The following KRT34 variants were observed in gnomAD, a reference collection of about 807,000 sequenced individuals.
KRT34 encodes keratin, type I cuticular Ha4.
In KRT34, 31 loss-of-function variants were observed where a neutral mutation model predicts 41.7. The ratio of observed to expected loss-of-function variants is 0.74; its 90% confidence interval spans 0.56 to 1.00. KRT34 has a LOEUF of 1.00. KRT34 is among the 50% of genes least tolerant of loss of function. The pLI is 0.00. For synonymous variants in KRT34, 224 were observed against 212.9 expected (o/e 1.05, Z -0.45); for missense variants, 523 against 500.3 (o/e 1.05, Z -0.43).
chr17:41,380,567 C>CCT (rs1420427677), intron 3 of KRT34, among the ~76,000 whole-genome samples: 2 of 149,930 alleles, frequency 1.3e-5, no homozygotes, highest in Non-Finnish European at 3.0e-5. Context: ...GTACTGGAAT[C>CCT]CTCCTCTTTG....
Position 41,379,003 on chromosome 17 carries a change from C to T in KRT34, c.1050G>A (p.Glu350=), listed in dbSNP as rs780484325. ...GGCTCCGGTACGTGTTGATCTCACA[C>T]TCCAGCCGGGCACGCACGTCCAGCA... is the stretch of plus-strand genomic sequence containing the variant. The part of the protein sequence containing the change: ...QVLLDVRARL[E]CEINTYRSLL... Residue 350 remains glutamate (E), a synonymous_variant, in exon 6 of 7, where the codon GAG becomes GAA. Transcript: ENST00000394001. 4.3e-5 allele frequency: 69 copies of T among 1,613,454 alleles called. 1 individual carries two copies. Among genetic ancestry groups the T allele is most frequent in the South Asian group, 1.1e-5 (1 of 91,046 alleles).
Position 41,379,387 on chromosome 17 carries a change from G to A in KRT34, c.842C>T (p.Ala281Val), listed in dbSNP as rs1230313087. The part of the protein sequence containing the change: ...EIIELRRTVN[A>V]LEIELQAQHN... ...CTGGGCCTGCAGCTCGATCTCCAGG[G>A]CGTTGACTGTGCGTCTCAGCTCGAT... Residue 281 changes from alanine to valine, a missense_variant, in exon 5 of 7, where the codon GCC (alanine) becomes GTC (valine). By Grantham distance (64) the Ala-to-Val change is moderately conservative (BLOSUM62 0). Coordinates refer to ENST00000394001, the MANE Select transcript of KRT34 (RefSeq NM_001386014.1). The A allele has an allele frequency of 1.2e-6, 2 of 1,613,452 alleles. No homozygotes were observed. The highest frequency in any genetic ancestry group is 8.5e-7 in the Non-Finnish European group (1 of 1,180,030).
Position 41,378,054 on chromosome 17 carries a change from GC to G in KRT34, c.*4del, listed in dbSNP as rs2017876796. On this transcript the variant is annotated 3_prime_UTR_variant, in exon 7 of 7. Coordinates refer to ENST00000394001, the MANE Select transcript of KRT34 (RefSeq NM_001386014.1). Reference sequence around the variant, plus strand: ...GTAGATGTCTTCAAAGAGGATACAAGCTTTTCAATTACAGCAACCCTTTTGA... The same window carrying G: ...GTAGATGTCTTCAAAGAGGATACAAGTTTTCAATTACAGCAACCCTTTTGA... The G allele has an allele frequency of 6.2e-7, 1 of 1,607,098 alleles. No homozygotes were observed.
At position 41,379,504 on chromosome 17, in the gene KRT34, T is replaced by C; in HGVS notation, c.751-26A>G. 7 of 1,614,196 alleles carry C rather than the reference T, an allele frequency of 4.3e-6. No homozygotes were observed. The South Asian group carries it at 7.7e-5, about 18-fold the overall frequency. On this transcript the variant is annotated intron_variant, in intron 4 of 6. Transcript: ENST00000394001. Reference sequence around the variant, plus strand: ...CTGAAACACCCAAGTGGGGAAAGGATCAGACCCTGTCTCCAGGGCCCTGGG... The same window carrying C: ...CTGAAACACCCAAGTGGGGAAAGGACCAGACCCTGTCTCCAGGGCCCTGGG...
chr17:41,382,170 C>T lies in KRT34; in HGVS notation c.77G>A (p.Cys26Tyr). The T allele has an allele frequency of 6.2e-7, 1 of 1,612,354 alleles. No homozygotes were observed. Residue 26 changes from cysteine to tyrosine, a missense_variant, in exon 1 of 7, where the codon TGC becomes TAC. Coordinates refer to ENST00000394001, the MANE Select transcript of KRT34 (RefSeq NM_001386014.1). ...GGCCCCAGGCAGGGTGTAGCCGTGGCAGCTGGGGGGCACGCAGGGCCGGGA... is the reference window on the plus strand; with the variant it reads ...GGCCCCAGGCAGGGTGTAGCCGTGGTAGCTGGGGGGCACGCAGGGCCGGGA... ...CSSRPCVPPS[C>Y]HGYTLPGACN...
upstream of KRT34, among the ~76,000 whole-genome samples, chr17:41,383,317 G>A (rs1036446865): frequency 1.1e-4 from 16 of 152,148 alleles, no homozygotes; most frequent in Non-Finnish European, 1.0e-4. Flanking sequence ...GCGTCCGGCA[G>A]TAAATAAAGT....
chr17:41,381,399 G>A (rs2017982182), intron 2 of KRT34, among the ~76,000 whole-genome samples, 187 bp from the exon 3 acceptor site: 1 of 152,098 alleles, frequency 6.6e-6, no homozygotes, highest in Admixed American at 6.5e-5. Flanking sequence ...AACACCACGA[G>A]GAGCCCACAG....
upstream of KRT34, among the ~76,000 whole-genome samples, chr17:41,382,825 T>C (rs1488276882): frequency 5.3e-5 from 8 of 152,158 alleles, no homozygotes; most frequent in Non-Finnish European, 1.0e-4. Context: ...TTACTATTCG[T>C]TGGGGTTTAG....
intron 6 of KRT34, 100 bp from the exon 7 acceptor site, chr17:41,378,246 A>C: frequency 3.8e-6 from 3 of 791,002 alleles, no homozygotes; most frequent in Non-Finnish European, 6.6e-6. Flanking sequence ...CAGTGGCTGG[A>C]GTTAGTTGGA....
Position 41,382,289 on chromosome 17 carries a change from G to C in KRT34, c.-43C>G. 6.2e-7 allele frequency: 1 copy of C among 1,613,292 alleles called. No individual in the cohort carries two copies. Among genetic ancestry groups the C allele is most frequent in the Non-Finnish European group, 8.5e-7 (1 of 1,180,042 alleles). ...TGGAAAAGCAGGTAAGCTGCTGGAG[G>C]TGGATGTGGGCAGGTTTGAGTCTCT... On this transcript the variant is annotated 5_prime_UTR_variant, in exon 1 of 7. Coordinates refer to ENST00000394001, the MANE Select transcript of KRT34 (RefSeq NM_001386014.1).
chr17:41,382,417 CT>C, upstream of KRT34: 1 of 1,492,290 alleles, frequency 6.7e-7, no homozygotes, highest in Non-Finnish European at 9.2e-7. Flanking sequence ...CCAAAATATG[CT>C]AGTTAGATGC....
intron 3 of KRT34, 42 bp from the exon 4 acceptor site, chr17:41,379,773 C>T (rs1486202745): frequency 1.1e-5 from 17 of 1,549,078 alleles, no homozygotes; most frequent in East Asian, 2.2e-5. Flanking sequence ...GGCAATGGAT[C>T]TGCCATTTTC....
Position 41,381,919 on chromosome 17 carries a change from T to A in KRT34, c.328A>T (p.Ile110Phe). The A allele has an allele frequency of 1.2e-6, 2 of 1,614,214 alleles. No homozygotes were observed. Among genetic ancestry groups the A allele is most frequent in the Non-Finnish European group, 1.7e-6 (2 of 1,180,010 alleles). Residue 110 changes from isoleucine (I) to phenylalanine (F), a missense_variant, in exon 1 of 7, where the codon ATT becomes TTT. Ile to Phe is a conservative substitution (Grantham distance 21). Coordinates refer to ENST00000394001, the MANE Select transcript of KRT34 (RefSeq NM_001386014.1). ...CTCACCTTCTGCTGGAGCTCCTCAA[T>A]GGTCTTGAAGTAGGACTGGTAGCTG... Reference protein sequence around the residue: ...CPSYQSYFKTIEELQQKILCA... With the variant: ...CPSYQSYFKTFEELQQKILCA...
At chr17:41,378,832 C>A in intron 6 of KRT34, 124 bp downstream of exon 6, 1 of 1,355,686 alleles carries the variant, frequency 7.4e-7, no homozygotes, top group Non-Finnish European at 1.0e-6. Context: ...TATCACAGAT[C>A]ACTGGACACA....
chr17:41,382,355 G>A, upstream of KRT34: 1 of 1,611,902 alleles, frequency 6.2e-7, no homozygotes, highest in Non-Finnish European at 8.5e-7. Flanking sequence ...TTGTGGGTGG[G>A]GGCTTGGCAT....
intron 2 of KRT34, 112 bp downstream of exon 2, chr17:41,381,601 A>T (rs1007314872): frequency 5.2e-5 from 49 of 943,252 alleles, no homozygotes; most frequent in Non-Finnish European, 7.9e-5. Context: ...CTAATTTTAC[A>T]TAACCAGCCC....
chr17:41,380,463 T>C (rs2017956779), intron 3 of KRT34, among the ~76,000 whole-genome samples: 1 of 152,180 alleles, frequency 6.6e-6, no homozygotes, highest in Non-Finnish European at 1.5e-5. Flanking sequence ...TTTCATCCCT[T>C]GGAGGTACTG....
chr17:41,381,062 A>G lies in KRT34; in HGVS notation c.582T>C (p.His194=). Residue 194 remains histidine (H), a synonymous_variant, in exon 3 of 7, where the codon CAT becomes CAC. Coordinates refer to ENST00000394001, the MANE Select transcript of KRT34 (RefSeq NM_001386014.1). Reference sequence around the variant, plus strand: ...TTGTGAATTTGTTTCATACCTCCTCATGGTTCTTCTTCAAGCAGATCAGCT... The same window carrying G: ...TTGTGAATTTGTTTCATACCTCCTCGTGGTTCTTCTTCAAGCAGATCAGCT... ...REELICLKKN[H]EEEVNTLRSQ... 1.2e-6 allele frequency: 2 copies of G among 1,613,874 alleles called. No homozygotes were observed. The highest frequency in any genetic ancestry group is 1.7e-5 in the Admixed American group (1 of 60,006).
At chr17:41,381,356 A>G (rs1486139457) in intron 2 of KRT34, 144 bp from the exon 3 acceptor site, 5 of 879,084 alleles carry the variant, frequency 5.7e-6, no homozygotes, top group Admixed American at 5.7e-5. Flanking sequence ...CAAGCTGTCC[A>G]TGGATAGGCT....
Sources: gnomAD v4.1 joint callset for allele counts (sites outside exome capture counted in the v4.1 genomes callset) on GRCh38, gnomAD v4.1.1 for gene constraint, MANE v1.5 for transcripts, NCBI Gene and HGNC (gene_info 2026-07-23, HGNC 2026-07-21) for gene names.